Variants in ARHGAP28 observed in about 807,000 individuals in gnomAD.
The protein encoded by ARHGAP28 is Rho GTPase activating protein 28.
A neutral mutation model predicts 90.7 loss-of-function variants in ARHGAP28; 56 were observed. The observed-to-expected ratio is 0.62, with a 90% CI of 0.50 to 0.77. The LOEUF is 0.77. ARHGAP28 is among the 30% of genes least tolerant of loss of function. The pLI is 0.00. For missense variants in ARHGAP28, 869 were observed against 900.9 expected, an observed-to-expected ratio of 0.96 and a Z score of 0.45; for synonymous variants, 308 against 323.3, an observed-to-expected ratio of 0.95 and a Z score of 0.51.
chr18:6,730,594 C>T (rs908691301), intron 1 of ARHGAP28, among the ~76,000 whole-genome samples: 4 of 152,154 alleles, frequency 2.6e-5, no homozygotes, highest in Admixed American at 2.0e-4. Context: ...TCATCCTGTA[C>T]ATTTCAGATT....
At chr18:6,817,176 TG>T (rs2056597185) in intron 1 of ARHGAP28, among the ~76,000 whole-genome samples, 1 of 151,268 alleles carries the variant, frequency 6.6e-6, no homozygotes, top group Non-Finnish European at 1.5e-5. Context: ...TAGCTGGGCA[TG>T]GTGGTGCATG....
rs911839811 is a variant in ARHGAP28 at position 6,812,809 on chromosome 18, G to C, written c.123-11953G>C. ...CAGCTCTTGTCTTTCTAACGTTCAT[G>C]TTGACCATTGGCATTCAGATTACTG... On this transcript the variant is annotated intron_variant, in intron 1 of 17. Coordinates refer to ENST00000383472, the MANE Select transcript of ARHGAP28 (RefSeq NM_001366230.1). 7.2e-5 allele frequency among the ~76,000 whole-genome samples: 11 copies of C among 152,178 alleles called. No homozygotes were observed. The East Asian group carries it at 2.1e-3, about 29-fold the overall frequency.
intron 3 of ARHGAP28, among the ~76,000 whole-genome samples, chr18:6,844,282 C>T (rs540341846): frequency 6.6e-6 from 1 of 152,158 alleles, no homozygotes; most frequent in East Asian, 1.9e-4. Context: ...CTGAAGAAGA[C>T]GATGTAGGTG....
At chr18:6,773,409 T>C (rs542958306) in intron 1 of ARHGAP28, among the ~76,000 whole-genome samples, 64 of 152,354 alleles carry the variant, frequency 4.2e-4, no homozygotes, top group African/African-American at 1.5e-3. Context: ...TGTGGTATAA[T>C]GATAGCATGA....
chr18:6,906,599 G>C (rs115172764), intron 16 of ARHGAP28, among the ~76,000 whole-genome samples: 1,915 of 152,198 alleles, frequency 0.013, 42 homozygotes, highest in African/African-American at 0.044. Flanking sequence ...AATAAACCTC[G>C]ATCTAAACCT....
intron 1 of ARHGAP28, among the ~76,000 whole-genome samples, chr18:6,801,823 C>G (rs1470787976): frequency 1.3e-5 from 2 of 152,014 alleles, no homozygotes; most frequent in African/African-American, 4.8e-5. Flanking sequence ...TTATAAATAG[C>G]CCACCGGTCA....
chr18:6,798,311 A>G (rs1249381483), intron 1 of ARHGAP28, among the ~76,000 whole-genome samples: 1 of 152,064 alleles, frequency 6.6e-6, no homozygotes. Context: ...CTCCTGCCTC[A>G]GCCTCCCAAG....
intron 1 of ARHGAP28, among the ~76,000 whole-genome samples, chr18:6,730,809 G>A (rs1036516774): frequency 1.3e-5 from 2 of 152,184 alleles, no homozygotes; most frequent in African/African-American, 4.8e-5. Flanking sequence ...ACTGACGAGT[G>A]CTTTTCTTTA....
intron 2 of ARHGAP28, chr18:6,836,087 C>T (rs1326895651): frequency 1.3e-5 from 2 of 152,122 alleles, no homozygotes; most frequent in African/African-American, 4.8e-5. Context: ...GACTGGGTGT[C>T]CCTCTTACAG....
intron 1 of ARHGAP28, among the ~76,000 whole-genome samples, chr18:6,763,628 C>G (rs980052833): frequency 1.3e-5 from 2 of 152,190 alleles, no homozygotes; most frequent in African/African-American, 4.8e-5. Flanking sequence ...TCCGGGAGCA[C>G]AAAGCCTACG....
rs567860295 is a variant in ARHGAP28 at position 6,896,390 on chromosome 18, G to A, written c.1906-112G>A. ...CATTCTGGTTAATGTTGATCATAGTGATGTGTTTTCCTAATTCAGAGTAGC... is the reference window on the plus strand; with the variant it reads ...CATTCTGGTTAATGTTGATCATAGTAATGTGTTTTCCTAATTCAGAGTAGC... On this transcript the variant is annotated intron_variant, in intron 15 of 17. Coordinates refer to ENST00000383472, the MANE Select transcript of ARHGAP28 (RefSeq NM_001366230.1). The A allele has an allele frequency of 1.4e-5, 17 of 1,214,296 alleles. No homozygotes were observed. The African/African-American group carries it at 2.3e-4, about 16-fold the overall frequency. The allele number at this position is 1,214,296 out of a possible 1,614,324, so 75.2% of individuals were successfully genotyped here.
chr18:6,841,192 T>TCTCTCTCTCTC (rs1338726004), intron 3 of ARHGAP28, among the ~76,000 whole-genome samples: 1 of 66,484 alleles, frequency 1.5e-5, no homozygotes, highest in Non-Finnish European at 2.8e-5. Flanking sequence ...TCTCTCTCTC[T>TCTCTCTCTCTC]CTCTCTCTCT....
At chr18:6,796,371 C>T (rs80213459) in intron 1 of ARHGAP28, among the ~76,000 whole-genome samples, 6,053 of 152,210 alleles carry the variant, frequency 0.04, 292 homozygotes, top group African/African-American at 0.11. Flanking sequence ...CTGCCTCCCC[C>T]GAGCACCCCT....
At chr18:6,912,002 TGCGCAC>T in intron 17 of ARHGAP28, 52 bp from the exon 18 acceptor site, 1 of 1,145,250 alleles carries the variant, frequency 8.7e-7, no homozygotes, top group Non-Finnish European at 1.3e-6. Flanking sequence ...CACATATGTG[TGCGCAC>T]GCACACACAC....
At position 6,777,280 on chromosome 18, in the gene ARHGAP28, A is replaced by G. The variant is rs148784399; in HGVS notation, c.122+47337A>G. 2.0e-3 allele frequency among the ~76,000 whole-genome samples: 303 copies of G among 152,304 alleles called. 1 individual carries two copies. Among genetic ancestry groups the G allele is most frequent in the African/African-American group, 7.0e-3 (289 of 41,558 alleles). On this transcript the variant is annotated intron_variant, in intron 1 of 17. Transcript: ENST00000383472. ...ATAGAGGGAGTAGTAAAAAATGACA[A>G]GTGTGTAATGATGCCATTACTGAGA...
intron 2 of ARHGAP28, among the ~76,000 whole-genome samples, chr18:6,825,567 T>C (rs1007712775): frequency 6.6e-6 from 1 of 152,058 alleles, no homozygotes; most frequent in African/African-American, 2.4e-5. Context: ...GTAGTGAGCA[T>C]AGTACCCAGT....
chr18:6,793,632 C>T (rs188591831), intron 1 of ARHGAP28, among the ~76,000 whole-genome samples: 81 of 152,136 alleles, frequency 5.3e-4, no homozygotes, highest in Non-Finnish European at 9.6e-4. Context: ...AGTCATAATG[C>T]GAATTATAAA....
intron 10 of ARHGAP28, among the ~76,000 whole-genome samples, chr18:6,881,533 G>T (rs1179689055): frequency 1.3e-5 from 2 of 152,154 alleles, no homozygotes; most frequent in Admixed American, 6.5e-5. Flanking sequence ...AAAAGTATTT[G>T]CACAGTGTTC....
intron 17 of ARHGAP28, among the ~76,000 whole-genome samples, chr18:6,909,720 C>T (rs926222529): frequency 1.3e-5 from 2 of 152,220 alleles, no homozygotes; most frequent in South Asian, 4.1e-4. Flanking sequence ...TTTTAACTCT[C>T]CTCCCAAATT....
Sources: gnomAD v4.1 joint callset for allele counts (sites outside exome capture counted in the v4.1 genomes callset) on GRCh38, gnomAD v4.1.1 for gene constraint, MANE v1.5 for transcripts, NCBI Gene and HGNC (gene_info 2026-07-23, HGNC 2026-07-21) for gene names.